The following ABCC11 variants were observed in gnomAD, a reference collection of about 807,000 sequenced individuals.
ABCC11 encodes ATP-binding cassette sub-family C member 11.
In ABCC11, 135 loss-of-function variants were observed where a neutral mutation model predicts 149.3. The observed-to-expected ratio is 0.90, with a 90% CI of 0.79 to 1.04. ABCC11 has a LOEUF of 1.04. Among genes scored for constraint, ABCC11 ranks in the 50% least tolerant of loss-of-function variants. ABCC11 has a pLI of 0.00. For synonymous variants in ABCC11, 665 were observed against 671.4 expected, an observed-to-expected ratio of 0.99 and a Z score of 0.15; for missense variants, 1,680 against 1,722.1, an observed-to-expected ratio of 0.98 and a Z score of 0.43.
At chr16:48,235,343 TTG>T (rs1970633979) in intron 1 of ABCC11, among the ~76,000 whole-genome samples, 1 of 152,238 alleles carries the variant, frequency 6.6e-6, no homozygotes, top group Admixed American at 6.5e-5. Flanking sequence ...ACCAGGGACC[TTG>T]TCTGTCCTGT....
intron 12 of ABCC11, among the ~76,000 whole-genome samples, chr16:48,207,189 G>A (rs1217062811): frequency 6.6e-6 from 1 of 152,140 alleles, no homozygotes; most frequent in Admixed American, 6.6e-5. Context: ...GAAGAAGAAG[G>A]GGGAAGAGAT....
At chr16:48,202,840 TA>T (rs1968112943) in intron 14 of ABCC11, among the ~76,000 whole-genome samples, 1 of 152,108 alleles carries the variant, frequency 6.6e-6, no homozygotes, top group South Asian at 2.1e-4. Flanking sequence ...GCTGCAGATG[TA>T]AAAGATTGGA....
chr16:48,243,197 T>A (rs943933165), intron 1 of ABCC11, among the ~76,000 whole-genome samples: 1 of 151,154 alleles, frequency 6.6e-6, no homozygotes, highest in Non-Finnish European at 1.5e-5. Context: ...GTCAGGAGAT[T>A]GAGACCATCC....
chr16:48,229,990 C>T (rs1044888438), intron 3 of ABCC11, among the ~76,000 whole-genome samples: 4 of 152,218 alleles, frequency 2.6e-5, no homozygotes, highest in Non-Finnish European at 4.4e-5. Flanking sequence ...AATTCTTGTT[C>T]TCCCTCTAGG....
At chr16:48,221,443 C>T (rs1219997821) in intron 6 of ABCC11, among the ~76,000 whole-genome samples, 1 of 150,058 alleles carries the variant, frequency 6.7e-6, no homozygotes, top group Non-Finnish European at 1.5e-5. Context: ...TTGTGTTATG[C>T]TGTAAAAAAA....
Position 48,200,290 on chromosome 16 carries a change from T to C in ABCC11, c.2068A>G (p.Thr690Ala), listed in dbSNP as rs1348653795. Residue 690 changes from threonine to alanine, a missense_variant, in exon 15 of 30, where the codon ACC (threonine) becomes GCC (alanine). Thr to Ala is a moderately conservative substitution (Grantham distance 58). Transcript: ENST00000356608. ...AGGGTGCTAACCTGCAGCTGGTGGG[T>C]CACCAGGACGACCGTCTTCCCCCTG... ...TLRGKTVVLV[T>A]HQLQYLEFCG... 1.2e-6 allele frequency: 2 copies of C among 1,613,954 alleles called. No homozygotes were observed.
chr16:48,176,972 T>C lies in ABCC11; in HGVS notation c.3490A>G (p.Thr1164Ala), dbSNP rs1966119109. 6.2e-7 allele frequency: 1 copy of C among 1,614,130 alleles called. No homozygotes were observed. The highest frequency in any genetic ancestry group is 1.3e-5 in the African/African-American group (1 of 75,052). Reference protein sequence around the residue: ...TPTVLHGINLTIRGHEVVGIV... With the variant: ...TPTVLHGINLAIRGHEVVGIV... ...CCCACCACTTCGTGGCCGCGGATGGTCAGGTTGATGCCGTGAAGCACGGTG... is the reference window on the plus strand; with the variant it reads ...CCCACCACTTCGTGGCCGCGGATGGCCAGGTTGATGCCGTGAAGCACGGTG... The change falls in exon 25 of 30, where the codon ACC becomes GCC. Residue 1164 changes from threonine (T) to alanine (A), a missense_variant. By Grantham distance (58) the Thr-to-Ala change is moderately conservative (BLOSUM62 0). Transcript: ENST00000356608.
At chr16:48,224,474 A>G in intron 4 of ABCC11, 45 bp from the exon 5 acceptor site, 2 of 1,594,826 alleles carry the variant, frequency 1.3e-6, no homozygotes, top group Non-Finnish European at 1.7e-6. Flanking sequence ...TTTGCATGTG[A>G]CATCCAAACA....
chr16:48,199,393 T>G (rs1451478764), intron 15 of ABCC11, among the ~76,000 whole-genome samples: 1 of 151,498 alleles, frequency 6.6e-6, no homozygotes, highest in African/African-American at 2.4e-5. Flanking sequence ...CTTAAATATT[T>G]TATACCAAAA....
chr16:48,169,778 A>T (rs1180073762), intron 28 of ABCC11, among the ~76,000 whole-genome samples: 2 of 66,416 alleles, frequency 3.0e-5, no homozygotes, highest in Non-Finnish European at 5.4e-5. Flanking sequence ...GGGTGGGGGG[A>T]GGGGGGAGGG....
intron 1 of ABCC11, among the ~76,000 whole-genome samples, chr16:48,243,177 A>G (rs1480124791): frequency 6.6e-6 from 1 of 151,606 alleles, no homozygotes; most frequent in East Asian, 1.9e-4. Flanking sequence ...CAAGGCGGGC[A>G]GATCACGAGG....
intron 6 of ABCC11, among the ~76,000 whole-genome samples, chr16:48,219,522 A>C (rs1042764911): frequency 2.0e-5 from 3 of 152,184 alleles, no homozygotes; most frequent in Non-Finnish European, 4.4e-5. Flanking sequence ...TAATGGTGCT[A>C]ATCTCTGGGC....
intron 28 of ABCC11, among the ~76,000 whole-genome samples, chr16:48,168,380 C>G (rs1316292961): frequency 2.0e-5 from 3 of 152,196 alleles, no homozygotes; most frequent in Non-Finnish European, 4.4e-5. Context: ...GGGGGAAAGT[C>G]CTACCTCCTC....
At chr16:48,200,934 C>T (rs2150821646) in intron 14 of ABCC11, among the ~76,000 whole-genome samples, 1 of 152,228 alleles carries the variant, frequency 6.6e-6, no homozygotes, top group South Asian at 2.1e-4. Flanking sequence ...ACCCTAAATG[C>T]CCTGACCTGA....
intron 12 of ABCC11, among the ~76,000 whole-genome samples, chr16:48,207,491 C>T (rs1371045311): frequency 6.6e-6 from 1 of 151,960 alleles, no homozygotes; most frequent in Non-Finnish European, 1.5e-5. Context: ...CATGGTGAAA[C>T]CACGTCTCTA....
chr16:48,178,668 C>T lies in ABCC11; in HGVS notation c.3277G>A (p.Ala1093Thr). The change falls in exon 24 of 30, where the codon GCC becomes ACC. Residue 1093 changes from alanine (A) to threonine (T), a missense_variant. Ala to Thr is a moderately conservative substitution (Grantham distance 58). Coordinates refer to ENST00000356608, the MANE Select transcript of ABCC11 (RefSeq NM_001370497.1). ...IVLQLASSFQATARIGLETEA... is the reference protein window; with the variant it reads ...IVLQLASSFQTTARIGLETEA... Reference sequence around the variant, plus strand: ...GTCTCCAAGCCAATCCGGGCAGTGGCCTGGAAGCTGGACGCCAGCTAGAAG... The same window carrying T: ...GTCTCCAAGCCAATCCGGGCAGTGGTCTGGAAGCTGGACGCCAGCTAGAAG... 1 of 1,614,118 alleles carries T rather than the reference C, an allele frequency of 6.2e-7. No homozygotes were observed. The highest frequency in any genetic ancestry group is 8.5e-7 in the Non-Finnish European group (1 of 1,180,030).
intron 11 of ABCC11, chr16:48,210,408 C>T (rs570992675): frequency 6.6e-6 from 1 of 152,348 alleles, no homozygotes; most frequent in East Asian, 1.9e-4. Flanking sequence ...ATTTTTTAGA[C>T]ATTTATCATT....
At chr16:48,234,747 A>C (rs1970603951) in intron 1 of ABCC11, among the ~76,000 whole-genome samples, 1 of 152,190 alleles carries the variant, frequency 6.6e-6, no homozygotes, top group African/African-American at 2.4e-5. Flanking sequence ...CTGCCAACAG[A>C]AGTGGGACAG....
rs773920560 is a variant in ABCC11, at chr16:48,230,587, A to C, written c.100-14T>G. ...AGTATAGGTTTTCTTGGAAAAGAAA[A>C]ACAAAAGAGCATCAGTTTCAAATCT... On this transcript the variant is annotated splice_polypyrimidine_tract_variant and intron_variant, in intron 2 of 29. Transcript: ENST00000356608. 69 of 1,548,934 alleles carry C rather than the reference A, an allele frequency of 4.5e-5. No individual in the cohort carries two copies. The South Asian group carries it at 7.9e-4, about 18-fold the overall frequency.
Sources: allele counts gnomAD v4.1 joint callset (sites outside exome capture counted in the v4.1 genomes callset), GRCh38; gene constraint gnomAD v4.1.1; transcripts MANE v1.5; gene names NCBI Gene and HGNC (gene_info 2026-07-23, HGNC 2026-07-21).